EXOC4: variants seen among roughly 807,000 people sequenced by gnomAD.
The protein encoded by EXOC4 is exocyst complex component 4.
In EXOC4, 71 loss-of-function variants were observed where a neutral mutation model predicts 107.2. That is an observed-to-expected ratio of 0.66 (90% CI 0.55 to 0.81). The LOEUF is 0.81. EXOC4 is among the 30% of genes least tolerant of loss of function. The probability of loss-of-function intolerance (pLI) is 0.00; values close to 1 mark genes in which losing one functional copy is unlikely to be tolerated. For missense variants in EXOC4, 1,108 were observed against 1,189.6 expected (o/e 0.93, Z 1.01); for synonymous variants, 456 against 441.2 (o/e 1.03, Z -0.42).
chr7:133,600,055 T>C (rs773684547), intron 9 of EXOC4, among the ~76,000 whole-genome samples: 4 of 151,718 alleles, frequency 2.6e-5, no homozygotes, highest in Non-Finnish European at 5.9e-5. Context: ...TGGGTGCTAC[T>C]GTGCCTGTGT....
intron 13 of EXOC4, 30 bp from the exon 14 acceptor site, chr7:133,937,861 T>C (rs1400293784): frequency 6.2e-7 from 1 of 1,612,964 alleles, no homozygotes; most frequent in Non-Finnish European, 8.5e-7. Context: ...ATGCTGTATA[T>C]ATGAAGTGTG....
At chr7:134,085,309 C>A in the EXOC4 span, among the ~76,000 whole-genome samples, 2,021 of 145,780 alleles carry the variant, frequency 0.014, 52 homozygotes, top group African/African-American at 0.044. Flanking sequence ...CTTAAGAATA[C>A]GTGGCCAAAA....
At chr7:133,330,419 T>A (rs1202213127) in intron 5 of EXOC4, among the ~76,000 whole-genome samples, 1 of 152,072 alleles carries the variant, frequency 6.6e-6, no homozygotes. Flanking sequence ...AGCACCCCTT[T>A]CCAGGGGAGT....
intron 10 of EXOC4, among the ~76,000 whole-genome samples, chr7:133,737,909 C>CTTTTTTTTTTTTTTTTTTTTTTTTTTTT (rs10673346): frequency 1.1e-5 from 1 of 89,328 alleles, no homozygotes; most frequent in African/African-American, 4.3e-5. Context: ...ATTTTTCTTT[C>CTTTTTTTTTTTTTTTTTTTTTTTTTTTT]TTTTTTTTTT....
At chr7:133,997,425 A>C in intron 14 of EXOC4, 67 bp from the exon 15 acceptor site, 1 of 1,578,812 alleles carries the variant, frequency 6.3e-7, no homozygotes, top group Non-Finnish European at 8.7e-7. Flanking sequence ...CAGCAAAATA[A>C]TATGTCATTT....
At chr7:133,831,824 C>T (rs749796137) in intron 11 of EXOC4, among the ~76,000 whole-genome samples, 18 of 152,088 alleles carry the variant, frequency 1.2e-4, no homozygotes, top group East Asian at 3.8e-4. Flanking sequence ...TATTCATATC[C>T]GTATATATTT....
At chr7:133,975,279 A>T (rs1793804480) in intron 14 of EXOC4, among the ~76,000 whole-genome samples, 1 of 152,130 alleles carries the variant, frequency 6.6e-6, no homozygotes, top group African/African-American at 2.4e-5. Context: ...TGATATGGGG[A>T]TAGTAGGGAT....
chr7:133,487,651 G>A (rs1381881002), intron 9 of EXOC4, among the ~76,000 whole-genome samples: 2 of 152,158 alleles, frequency 1.3e-5, no homozygotes, highest in African/African-American at 2.4e-5. Context: ...GGAGGTTGCA[G>A]TGAGTCAAGA....
At chr7:133,879,836 A>G (rs1459022342) in intron 11 of EXOC4, among the ~76,000 whole-genome samples, 2 of 152,176 alleles carry the variant, frequency 1.3e-5, no homozygotes, top group Non-Finnish European at 1.5e-5. Context: ...CAGCTCTAGA[A>G]TTAGGATCCT....
At chr7:133,542,759 T>A (rs1279851945) in intron 9 of EXOC4, among the ~76,000 whole-genome samples, 1 of 152,110 alleles carries the variant, frequency 6.6e-6, no homozygotes, top group African/African-American at 2.4e-5. Context: ...CACTTAAAGG[T>A]GTTCAGAAAA....
intron 4 of EXOC4, among the ~76,000 whole-genome samples, chr7:133,310,086 G>A (rs551324084): frequency 6.6e-6 from 1 of 152,318 alleles, no homozygotes; most frequent in South Asian, 2.1e-4. Context: ...CTTAAGATGA[G>A]TGTGAAGTTT....
chr7:133,640,340 ATGT>A (rs1802824286), intron 10 of EXOC4, among the ~76,000 whole-genome samples: 1 of 152,176 alleles, frequency 6.6e-6, no homozygotes, highest in Non-Finnish European at 1.5e-5. Flanking sequence ...CATGATGTCT[ATGT>A]TGGTCATCCA....
At chr7:133,907,482 C>A (rs756190335) in intron 12 of EXOC4, among the ~76,000 whole-genome samples, 9 of 152,058 alleles carry the variant, frequency 5.9e-5, no homozygotes, top group Non-Finnish European at 8.8e-5. Context: ...GAGTTGGGCC[C>A]GGGCAAGTTT....
intron 9 of EXOC4, among the ~76,000 whole-genome samples, chr7:133,533,079 A>G (rs1800209928): frequency 6.6e-6 from 1 of 152,090 alleles, no homozygotes; most frequent in South Asian, 2.1e-4. Flanking sequence ...GCTCTGAGCA[A>G]TGTATCTTGG....
chr7:133,429,356 C>G (rs1361932724), intron 7 of EXOC4, among the ~76,000 whole-genome samples: 1 of 152,100 alleles, frequency 6.6e-6, no homozygotes, highest in Admixed American at 6.5e-5. Flanking sequence ...ATGCCGTTTT[C>G]TAACTTTGCT....
chr7:133,978,823 C>T (rs2971953), intron 14 of EXOC4, among the ~76,000 whole-genome samples: 106,083 of 152,026 alleles, frequency 0.7, 37,415 homozygotes, highest in East Asian at 0.91. Flanking sequence ...TTCTTTTTGC[C>T]TTACACAGCT....
intron 11 of EXOC4, among the ~76,000 whole-genome samples, chr7:133,858,187 C>T (rs1798459322): frequency 6.6e-6 from 1 of 152,156 alleles, no homozygotes; most frequent in African/African-American, 2.4e-5. Context: ...TCTTGTCCAG[C>T]ATCCAGGAAG....
chr7:133,662,731 T>G (rs1414158309), intron 10 of EXOC4, among the ~76,000 whole-genome samples: 6 of 152,020 alleles, frequency 3.9e-5, no homozygotes, highest in African/African-American at 1.4e-4. Flanking sequence ...AAAAAAAGTG[T>G]GGGATAGTAT....
chr7:133,764,182 T>G (rs1462862596), intron 10 of EXOC4, among the ~76,000 whole-genome samples: 1 of 152,064 alleles, frequency 6.6e-6, no homozygotes, highest in East Asian at 1.9e-4. Context: ...CCACTTTGCC[T>G]TCTGCTCATC....
Sources: allele counts gnomAD v4.1 joint callset (sites outside exome capture counted in the v4.1 genomes callset), GRCh38; gene constraint gnomAD v4.1.1; transcripts MANE v1.5; gene names NCBI Gene and HGNC (gene_info 2026-07-23, HGNC 2026-07-21).